ACVR1: variants seen among roughly 807,000 people sequenced by gnomAD.
The protein encoded by ACVR1 is activin A receptor type 1.
ACVR1 carries 38 observed loss-of-function variants against 57.1 expected under a neutral mutation model. The ratio of observed to expected loss-of-function variants is 0.67; its 90% CI spans 0.51 to 0.87. The LOEUF (loss-of-function observed/expected upper bound fraction) is 0.87, where lower values mean the gene tolerates loss of function less well. Ranked by LOEUF, ACVR1 falls within the 40% of genes least tolerant of loss-of-function variation. ACVR1 has a pLI of 0.00. For missense variants in ACVR1, 463 were observed against 638.2 expected (o/e 0.73, Z 2.96); for synonymous variants, 212 against 228.1 (o/e 0.93, Z 0.63).
chr2:157,867,916 T>G (rs1689994189), intron 1 of ACVR1, among the ~76,000 whole-genome samples: 1 of 152,072 alleles, frequency 6.6e-6, no homozygotes, highest in Non-Finnish European at 1.5e-5. Context: ...GGAGTGTGAG[T>G]GAGCATTAAA....
Position 157,742,695 on chromosome 2 carries a change from A to G in ACVR1, c.1265-4125T>C, listed in dbSNP as rs368464905. Among the ~76,000 whole-genome samples the G allele has an allele frequency of 3.8e-4, 58 of 152,270 alleles. No homozygotes were observed. The South Asian group carries it at 0.011, about 30-fold the overall frequency. ...AATACCTTTAAAGCACACACCACAA[A>G]GCCAACGTGCAGATCAAATATGTCC... On this transcript the variant is annotated intron_variant, in intron 9 of 10. Coordinates refer to ENST00000434821, the MANE Select transcript of ACVR1 (RefSeq NM_001111067.4).
intron 2 of ACVR1, among the ~76,000 whole-genome samples, chr2:157,802,873 T>A (rs1018511350): frequency 6.6e-6 from 1 of 152,160 alleles, no homozygotes; most frequent in African/African-American, 2.4e-5. Context: ...CAGAGCCAAG[T>A]AGGTGCACAT....
intron 3 of ACVR1, among the ~76,000 whole-genome samples, chr2:157,780,975 C>G (rs1686498183): frequency 6.6e-6 from 1 of 152,068 alleles, no homozygotes; most frequent in African/African-American, 2.4e-5. Context: ...TTTACTGGAA[C>G]ATAATGTTTA....
At chr2:157,739,114 G>A (rs116183468) in intron 9 of ACVR1, among the ~76,000 whole-genome samples, 2,530 of 152,180 alleles carry the variant, frequency 0.017, 32 homozygotes, top group Middle Eastern at 0.041. Flanking sequence ...CCATTAGGAG[G>A]GATGCAAATA....
At chr2:157,826,742 A>G (rs1688374365) in intron 1 of ACVR1, 1 of 108,500 alleles carries the variant, frequency 9.2e-6, no homozygotes, top group African/African-American at 4.8e-5. Context: ...AAAGGAAAGG[A>G]AAGGAAAGGA....
chr2:157,774,281 G>A (rs1229189512), intron 5 of ACVR1, 94 bp from the exon 6 acceptor site: 1 of 993,826 alleles, frequency 1.0e-6, no homozygotes, highest in Non-Finnish European at 1.6e-6. Context: ...TCACATGAAG[G>A]GCAGCAATCC....
chr2:157,761,540 G>T (rs980088279), intron 8 of ACVR1, among the ~76,000 whole-genome samples: 1 of 152,198 alleles, frequency 6.6e-6, no homozygotes, highest in Non-Finnish European at 1.5e-5. Context: ...TACATAAAGG[G>T]CAGATTGCTA....
intron 1 of ACVR1, among the ~76,000 whole-genome samples, chr2:157,854,931 CAGG>C (rs373514508): frequency 0.015 from 2,151 of 147,308 alleles, 44 homozygotes; most frequent in African/African-American, 0.051. Context: ...CCCAGCTACT[CAGG>C]AGGCTGAGGC....
At chr2:157,843,559 G>A (rs1689039925) in intron 1 of ACVR1, among the ~76,000 whole-genome samples, 1 of 152,158 alleles carries the variant, frequency 6.6e-6, no homozygotes, top group Non-Finnish European at 1.5e-5. Flanking sequence ...ATGTCACAAA[G>A]CTGGGATGTG....
chr2:157,776,948 G>A (rs1434730191), intron 5 of ACVR1, among the ~76,000 whole-genome samples: 4 of 152,278 alleles, frequency 2.6e-5, no homozygotes, highest in African/African-American at 7.2e-5. Flanking sequence ...TCAATTAATC[G>A]GATTGTGACA....
chr2:157,845,406 T>C (rs935449616), intron 1 of ACVR1, among the ~76,000 whole-genome samples: 1 of 152,150 alleles, frequency 6.6e-6, no homozygotes. Context: ...GAGAAGGTCA[T>C]GTGAAGATGA....
chr2:157,738,470 T>C lies in ACVR1; in HGVS notation c.1365A>G (p.Pro455=), dbSNP rs1468526895. The C allele has an allele frequency of 6.2e-7, 1 of 1,614,078 alleles. No individual in the cohort carries two copies. Among genetic ancestry groups the C allele is most frequent in the African/African-American group, 1.3e-5 (1 of 75,020 alleles). The change falls in exon 10 of 11, where the codon CCA becomes CCG. Residue 455 remains proline (P), a synonymous_variant. Coordinates refer to ENST00000434821, the MANE Select transcript of ACVR1 (RefSeq NM_001111067.4). ...RKVVCVDQQR[P]NIPNRWFSDP... is the part of the protein sequence containing the mutation. ...CTGAGAACCATCTGTTGGGTATGTTTGGCCTTTGTTGATCCACACAGACTA... is the reference window on the plus strand; with the variant it reads ...CTGAGAACCATCTGTTGGGTATGTTCGGCCTTTGTTGATCCACACAGACTA...
At chr2:157,789,210 C>A (rs1021976120) in intron 3 of ACVR1, among the ~76,000 whole-genome samples, 6 of 152,182 alleles carry the variant, frequency 3.9e-5, no homozygotes, top group Non-Finnish European at 7.3e-5. Flanking sequence ...TGCCTACACT[C>A]CAGGTAGAAA....
chr2:157,842,137 T>C (rs1689002782), intron 1 of ACVR1, among the ~76,000 whole-genome samples: 1 of 151,872 alleles, frequency 6.6e-6, no homozygotes, highest in Non-Finnish European at 1.5e-5. Flanking sequence ...ACAATCACTG[T>C]CAAAAGAAAA....
intron 9 of ACVR1, among the ~76,000 whole-genome samples, chr2:157,760,290 G>GT (rs773739446): frequency 2.6e-5 from 4 of 152,150 alleles, no homozygotes; most frequent in Non-Finnish European, 5.9e-5. Context: ...AGCTGAGAAG[G>GT]TTGGGGAATA....
At chr2:157,803,634 T>C (rs1488178928) in intron 2 of ACVR1, among the ~76,000 whole-genome samples, 1 of 152,178 alleles carries the variant, frequency 6.6e-6, no homozygotes, top group Non-Finnish European at 1.5e-5. Flanking sequence ...TCTCCTGCTC[T>C]CAAATATTTT....
intron 1 of ACVR1, among the ~76,000 whole-genome samples, chr2:157,867,630 G>A (rs1013147787): frequency 1.4e-4 from 21 of 151,818 alleles, no homozygotes; most frequent in Middle Eastern, 3.4e-3. Flanking sequence ...TGGACATTTC[G>A]ATTTTTTTTT....
chr2:157,810,388 T>A (rs1687709912), intron 2 of ACVR1, among the ~76,000 whole-genome samples: 1 of 152,150 alleles, frequency 6.6e-6, no homozygotes, highest in South Asian at 2.1e-4. Context: ...GGTCCCTGTA[T>A]CCAGTGTGCC....
intron 9 of ACVR1, among the ~76,000 whole-genome samples, chr2:157,753,100 A>C (rs932225032): frequency 2.6e-5 from 4 of 152,228 alleles, no homozygotes; most frequent in Non-Finnish European, 5.9e-5. Flanking sequence ...AATAAACTTA[A>C]GGTAAATGGG....
Sources: gnomAD v4.1 joint callset for allele counts (sites outside exome capture counted in the v4.1 genomes callset) on GRCh38, gnomAD v4.1.1 for gene constraint, MANE v1.5 for transcripts, NCBI Gene and HGNC (gene_info 2026-07-23, HGNC 2026-07-21) for gene names.